Variants in MCPH1 observed in about 807,000 individuals in gnomAD.
MCPH1 encodes the protein microcephalin.
MCPH1 carries 104 observed loss-of-function variants against 84.5 expected under a neutral mutation model. That is an observed-to-expected ratio of 1.23 (90% CI 1.05 to 1.45). The LOEUF is 1.45. MCPH1 is among the 40% of genes most tolerant of loss of function. MCPH1 has a pLI of 0.00. For synonymous variants in MCPH1, 514 were observed against 366.8 expected (o/e 1.40, Z -4.58); for missense variants, 1,498 against 1,005.7 (o/e 1.49, Z -6.62).
chr8:6,461,342 T>TC lies in MCPH1; in HGVS notation c.1935+6090_1935+6091insC, dbSNP rs1189327817. 6.0e-5 allele frequency among the ~76,000 whole-genome samples: 9 copies of TC among 150,002 alleles called. No homozygotes were observed. The East Asian group carries it at 1.8e-3, about 29-fold the overall frequency. ...TGTTGAGACTTTTTTTTTTTTTTTT[T>TC]TGAGATGGAGTCTCGCTCTGTTGTC... On this transcript the variant is annotated intron_variant, in intron 9 of 13. Transcript: ENST00000344683.
At position 6,419,128 on chromosome 8, in the gene MCPH1, T is replaced by TACAC. The variant is rs59016342; in HGVS notation, c.233+4265_233+4268dup. On this transcript the variant is annotated intron_variant, in intron 3 of 13. Transcript: ENST00000344683. ...CAACCCTTTTATATTTATATACACA[T>TACAC]ACACACACACACACACACACACAGA... is the stretch of plus-strand genomic sequence containing the variant. 4.1e-4 allele frequency among the ~76,000 whole-genome samples: 60 copies of TACAC among 144,608 alleles called. No individual in the cohort carries two copies. The South Asian group carries it at 1.0e-2, about 24-fold the overall frequency. The allele number at this position is 144,608 out of a possible 152,430, so 94.9% of individuals were successfully genotyped here.
At chr8:6,545,759 G>C (rs557398734) in intron 12 of MCPH1, among the ~76,000 whole-genome samples, 13 of 152,316 alleles carry the variant, frequency 8.5e-5, no homozygotes, top group African/African-American at 3.1e-4. Context: ...GTGGCTTCAA[G>C]TATAGGAAGA....
intron 9 of MCPH1, among the ~76,000 whole-genome samples, chr8:6,468,131 G>C (rs1041778408): frequency 6.6e-6 from 1 of 152,178 alleles, no homozygotes; most frequent in African/African-American, 2.4e-5. Context: ...CAAGGATCCA[G>C]AGCTCAGAGG....
At chr8:6,436,788 TG>T (rs1276971803) in intron 5 of MCPH1, among the ~76,000 whole-genome samples, 1 of 151,990 alleles carries the variant, frequency 6.6e-6, no homozygotes, top group Non-Finnish European at 1.5e-5. Flanking sequence ...GCTAACATGT[TG>T]AAACCCTGTC....
chr8:6,519,489 T>C (rs755257946), intron 12 of MCPH1, among the ~76,000 whole-genome samples: 1 of 152,234 alleles, frequency 6.6e-6, no homozygotes, highest in Non-Finnish European at 1.5e-5. Flanking sequence ...GACACCTCTA[T>C]GGCTGATGCA....
Position 6,444,814 on chromosome 8 carries a change from T to G in MCPH1, c.1092T>G (p.His364Gln). The G allele has an allele frequency of 1.2e-6, 2 of 1,614,088 alleles. No homozygotes were observed. The highest frequency in any genetic ancestry group is 1.7e-6 in the Non-Finnish European group (2 of 1,180,016). ...VKRKRVSHGS[H>Q]SPPKEKCKRK... ...GAAAAAGAGTATCACATGGCTCCCATTCACCTCCGAAGGAAAAATGCAAGA... is the reference window on the plus strand; with the variant it reads ...GAAAAAGAGTATCACATGGCTCCCAGTCACCTCCGAAGGAAAAATGCAAGA... The change falls in exon 8 of 14, where the codon CAT (histidine) becomes CAG (glutamine). Residue 364 changes from histidine (H) to glutamine (Q), a missense_variant. By Grantham distance (24) the His-to-Gln change is conservative. Transcript: ENST00000344683.
At chr8:6,551,102 A>G (rs1823569891) in intron 12 of MCPH1, among the ~76,000 whole-genome samples, 1 of 152,172 alleles carries the variant, frequency 6.6e-6, no homozygotes, top group Non-Finnish European at 1.5e-5. Context: ...CTTACCTTCC[A>G]CGGCTCCTGG....
At chr8:6,461,050 A>T (rs571101918) in intron 9 of MCPH1, among the ~76,000 whole-genome samples, 1 of 152,312 alleles carries the variant, frequency 6.6e-6, no homozygotes, top group South Asian at 2.1e-4. Flanking sequence ...TAAGAGGCCA[A>T]CTCAAGAGAA....
intron 12 of MCPH1, among the ~76,000 whole-genome samples, chr8:6,570,801 TTG>T (rs370353790): frequency 0.017 from 1,500 of 87,624 alleles, 21 homozygotes; most frequent in African/African-American, 0.079. Context: ...AGATGGATTG[TTG>T]TTTTTTTTTT....
chr8:6,575,173 G>A (rs980160783), intron 12 of MCPH1, among the ~76,000 whole-genome samples: 1 of 152,172 alleles, frequency 6.6e-6, no homozygotes, highest in African/African-American at 2.4e-5. Context: ...AGAGCCACCT[G>A]GGTTGGAAGC....
intron 4 of MCPH1, among the ~76,000 whole-genome samples, chr8:6,433,563 G>A (rs2442519): frequency 0.67 from 99,839 of 148,830 alleles, 37,477 homozygotes; most frequent in Non-Finnish European, 0.81. Flanking sequence ...AACCCAGGAG[G>A]TGGAGGTTGC....
chr8:6,564,092 T>A (rs1825928546), intron 12 of MCPH1, among the ~76,000 whole-genome samples: 1 of 151,868 alleles, frequency 6.6e-6, no homozygotes, highest in Admixed American at 6.6e-5. Flanking sequence ...AGTGATTCTC[T>A]TGCCTCAGGC....
In MCPH1 at chr8:6,518,763, T is replaced by G. The variant is rs543656814; in HGVS notation, c.2214+18834T>G. ...TGTTGGTTCAATATGTAGCTGCTTT[T>G]ACATTTATATGCAAACATATTTATA... On this transcript the variant is annotated intron_variant, in intron 12 of 13. Coordinates refer to ENST00000344683, the MANE Select transcript of MCPH1 (RefSeq NM_024596.5). Among the ~76,000 whole-genome samples, 5 of 152,360 alleles carry G rather than the reference T, an allele frequency of 3.3e-5. No homozygotes were observed. In the East Asian group the frequency reaches 9.6e-4, roughly 29 times the overall value.
chr8:6,556,912 ACTT>A (rs1824713506), intron 12 of MCPH1, among the ~76,000 whole-genome samples: 1 of 152,152 alleles, frequency 6.6e-6, no homozygotes, highest in Admixed American at 6.5e-5. Context: ...TCCCCCTCTG[ACTT>A]CTTCTAGGCA....
rs13250801 is a variant in MCPH1, at chr8:6,614,882, A to G, written c.2215-6572A>G. 5.6e-3 allele frequency among the ~76,000 whole-genome samples: 831 copies of G among 149,310 alleles called. 6 individuals carry two copies. The highest frequency in any genetic ancestry group is 0.019 in the African/African-American group (780 of 40,848). ...GAATCTCCCTCCCTTCCCCAACCCC[A>G]TACCCCACCCTACTCCATCCCTTTT... On this transcript the variant is annotated intron_variant, in intron 12 of 13. Transcript: ENST00000344683.
intron 12 of MCPH1, among the ~76,000 whole-genome samples, chr8:6,555,625 G>T (rs1824469111): frequency 1.3e-5 from 2 of 152,012 alleles, no homozygotes; most frequent in African/African-American, 4.8e-5. Flanking sequence ...CCACGCCTGG[G>T]TGATTTTTAT....
At chr8:6,566,465 C>T (rs558092244) in intron 12 of MCPH1, among the ~76,000 whole-genome samples, 21 of 152,286 alleles carry the variant, frequency 1.4e-4, no homozygotes, top group East Asian at 9.7e-4. Context: ...TGACACTGTA[C>T]GCCGTGCAGC....
intron 12 of MCPH1, among the ~76,000 whole-genome samples, chr8:6,606,293 A>G (rs1311084116): frequency 6.6e-6 from 1 of 152,162 alleles, no homozygotes; most frequent in Non-Finnish European, 1.5e-5. Context: ...ACATCTAGCA[A>G]CTCTCAAAAG....
At chr8:6,457,432 CCG>C (rs1805815878) in intron 9 of MCPH1, among the ~76,000 whole-genome samples, 1 of 151,656 alleles carries the variant, frequency 6.6e-6, no homozygotes, top group African/African-American at 2.4e-5. Flanking sequence ...TGGCAAAATC[CCG>C]TCTCTACAAA....
Sources: gnomAD v4.1 joint callset for allele counts (sites outside exome capture counted in the v4.1 genomes callset) on GRCh38, gnomAD v4.1.1 for gene constraint, MANE v1.5 for transcripts, NCBI Gene and HGNC (gene_info 2026-07-23, HGNC 2026-07-21) for gene names.